The following TASOR variants were observed in gnomAD, a reference collection of about 807,000 sequenced individuals.
TASOR encodes the protein transcription activation suppressor, also known as protein TASOR.
Under a neutral mutation model 178.6 loss-of-function variants are expected in TASOR, and 53 were observed. The observed-to-expected ratio is 0.30, with a 90% CI of 0.24 to 0.37. The LOEUF is 0.37. Ranked by LOEUF, TASOR falls within the 10% of genes least tolerant of loss-of-function variation. TASOR has a pLI of 1.00. For synonymous variants in TASOR, 713 were observed against 696.2 expected (o/e 1.02, Z -0.38); for missense variants, 1,815 against 1,971.4 (o/e 0.92, Z 1.50).
At chr3:56,677,575 T>C (rs1172802766) in intron 1 of TASOR, among the ~76,000 whole-genome samples, 1 of 152,214 alleles carries the variant, frequency 6.6e-6, no homozygotes, top group Non-Finnish European at 1.5e-5. Flanking sequence ...TTAAGCTCCC[T>C]TTCTTGTATC....
At chr3:56,656,738 G>T (rs551644478) in intron 11 of TASOR, among the ~76,000 whole-genome samples, 1 of 151,352 alleles carries the variant, frequency 6.6e-6, no homozygotes, top group Non-Finnish European at 1.5e-5. Context: ...TAGGCTGGGC[G>T]CAGTGGCTCA....
chr3:56,627,133 T>G lies in TASOR; in HGVS notation c.4043A>C (p.Asn1348Thr). 1 of 1,601,964 alleles carries G rather than the reference T, an allele frequency of 6.2e-7. No homozygotes were observed. The change falls in exon 21 of 24, where the codon AAT becomes ACT. Residue 1348 changes from asparagine to threonine, a missense_variant. By Grantham distance (65) the Asn-to-Thr change is moderately conservative. Around this residue, in one of 5 missense-constraint regions of TASOR, gnomAD observed 134 missense variants for 195.2 expected, o/e 0.69. Coordinates refer to ENST00000683822, the MANE Select transcript of TASOR (RefSeq NM_001365635.2). The part of the protein sequence containing the change: ...PEVVTVENLK[N>T]FLTFLEELST... The stretch of plus-strand genomic sequence containing the variant: ...AAGTTCCTCAAGGAATGTCAAAAAA[T>G]TTTTAAGGTTCTCTGTTAGAGATAA...
rs1275842629 is a variant in TASOR at position 56,622,282 on chromosome 3, TTAC to T, written c.*752_*754del. 1 of 152,184 alleles carries T rather than the reference TTAC, an allele frequency of 6.6e-6. No homozygotes were observed. The allele number at this position is 152,184 out of a possible 1,614,324, so 9.4% of individuals were successfully genotyped here. A position where few individuals can be genotyped will look rare whatever the true frequency, so the allele number is the denominator to read the frequency against. ...CATTAATGTGTTCAACAAATGGTAATTACTACTAAGACCACCTCAAAAATATAT... is the reference window on the plus strand; with the variant it reads ...CATTAATGTGTTCAACAAATGGTAATTACTAAGACCACCTCAAAAATATAT... On this transcript the variant is annotated 3_prime_UTR_variant, in exon 24 of 24. Transcript: ENST00000683822.
intron 11 of TASOR, among the ~76,000 whole-genome samples, chr3:56,656,379 A>T (rs1434520785): frequency 6.6e-6 from 1 of 151,746 alleles, no homozygotes. Context: ...CTTGAGGTCA[A>T]GAGTTCAAGA....
chr3:56,671,451 CAATA>C, intron 3 of TASOR, 145 bp downstream of exon 3: 1 of 548,542 alleles, frequency 1.8e-6, no homozygotes, highest in Non-Finnish European at 3.1e-6. Flanking sequence ...AAATTACAAA[CAATA>C]AACATTTTGC....
intron 15 of TASOR, 28 bp from the exon 16 acceptor site, chr3:56,640,158 C>T: frequency 1.9e-6 from 3 of 1,596,886 alleles, no homozygotes; most frequent in Non-Finnish European, 2.6e-6. Context: ...CACTGAATAG[C>T]TTTATTTCCA....
At position 56,646,781 on chromosome 3, in the gene TASOR, A is replaced by G. The variant is rs762613863; in HGVS notation, c.1956T>C (p.Phe652=). The change falls in exon 14 of 24, where the codon TTT becomes TTC. Residue 652 remains phenylalanine (F), a synonymous_variant. Transcript: ENST00000683822. The stretch of plus-strand genomic sequence containing the variant: ...CACCTCTTGAGTTATTTCGTTTTCC[A>G]AATTTCATTTTTGTACCATTCATTT... ...EEEMNGTKMK[F]GKRNNSRGEA... The G allele has an allele frequency of 2.2e-5, 35 of 1,613,750 alleles. No individual in the cohort carries two copies. Among genetic ancestry groups the G allele is most frequent in the Non-Finnish European group, 2.7e-5 (32 of 1,179,958 alleles).
chr3:56,636,389 T>G lies in TASOR; in HGVS notation c.2824+2317A>C, dbSNP rs188503736. The stretch of plus-strand genomic sequence containing the variant: ...TCAATCCATAATAAAGCTTTTGTTG[T>G]TGGTGGTGGTGGTGGTGTTGTTGTT... On this transcript the variant is annotated intron_variant, in intron 17 of 23. Coordinates refer to ENST00000683822, the MANE Select transcript of TASOR (RefSeq NM_001365635.2). 7.8e-3 allele frequency among the ~76,000 whole-genome samples: 1,178 copies of G among 150,206 alleles called. 11 individuals carry two copies. Among genetic ancestry groups the G allele is most frequent in the Non-Finnish European group, 0.01 (680 of 67,354 alleles).
intron 14 of TASOR, among the ~76,000 whole-genome samples, chr3:56,645,775 A>G (rs994385367): frequency 1.3e-4 from 20 of 152,260 alleles, no homozygotes; most frequent in African/African-American, 3.9e-4. Flanking sequence ...TTTTATTTTC[A>G]AATTCAGAAG....
chr3:56,682,301 C>T (rs1050669093), intron 1 of TASOR, among the ~76,000 whole-genome samples: 5 of 152,162 alleles, frequency 3.3e-5, no homozygotes, highest in African/African-American at 7.2e-5. Flanking sequence ...GAATCCATGG[C>T]CACGGGCTAT....
chr3:56,620,274 T>A lies in TASOR; in HGVS notation c.*2763A>T, dbSNP rs2076230825. ...CACGCTTTTTAAAAAATTGACGTGT[T>A]GGCAGTGTTTGTTAGAACATTGACG... is the stretch of plus-strand genomic sequence containing the variant. On this transcript the variant is annotated 3_prime_UTR_variant, in exon 24 of 24. Coordinates refer to ENST00000683822, the MANE Select transcript of TASOR (RefSeq NM_001365635.2). 6.3e-6 allele frequency: 1 copy of A among 157,540 alleles called. No individual in the cohort carries two copies. Among genetic ancestry groups the A allele is most frequent in the Non-Finnish European group, 1.4e-5 (1 of 71,352 alleles). 9.8% of individuals were successfully genotyped at this position (157,540 alleles called of 1,614,324 possible).
intron 3 of TASOR, among the ~76,000 whole-genome samples, chr3:56,670,610 A>G (rs182272226): frequency 4.7e-4 from 72 of 152,302 alleles, no homozygotes; most frequent in South Asian, 1.0e-3. Context: ...AAACAGCAAA[A>G]TATTATTCCA....
Position 56,682,849 on chromosome 3 carries a change from C to G in TASOR, c.158G>C (p.Gly53Ala), listed in dbSNP as rs1252906154. The change falls in exon 1 of 24, where the codon GGC (glycine) becomes GCC (alanine). Residue 53 changes from glycine (G) to alanine (A), a missense_variant. Physicochemically the swap from Gly to Ala is moderately conservative, Grantham distance 60. Transcript: ENST00000683822. ...GGGLNIAEPS[G>A]GAGREENAGA... ...CGCGTTCTCCTCACGCCCAGCGCCG[C>G]CGCTGGGCTCAGCGATGTTGAGGCC... 1 of 1,550,360 alleles carries G rather than the reference C, an allele frequency of 6.5e-7. No homozygotes were observed. The highest frequency in any genetic ancestry group is 2.4e-5 in the East Asian group (1 of 40,864).
At chr3:56,669,428 G>A (rs1212359518) in intron 5 of TASOR, among the ~76,000 whole-genome samples, 8 of 152,182 alleles carry the variant, frequency 5.3e-5, no homozygotes, top group Non-Finnish European at 1.2e-4. Context: ...GCATGAACTC[G>A]GGAGGCGGAG....
At chr3:56,661,940 C>T (rs1371052508) in intron 9 of TASOR, among the ~76,000 whole-genome samples, 1 of 150,554 alleles carries the variant, frequency 6.6e-6, no homozygotes, top group Non-Finnish European at 1.5e-5. Context: ...GACTGACTGA[C>T]ATGGCAAAAG....
Position 56,669,243 on chromosome 3 carries a change from C to T in TASOR, c.735+457G>A, listed in dbSNP as rs1049781397. Among the ~76,000 whole-genome samples the T allele has an allele frequency of 5.9e-5, 9 of 152,238 alleles. No individual in the cohort carries two copies. In the East Asian group the frequency reaches 1.7e-3, roughly 29 times the overall value. The stretch of plus-strand genomic sequence containing the variant: ...AATAGGCCAGGCGCAGTGGCTCATG[C>T]CTGTAATCCCAGCACTTTGGGAGGC... On this transcript the variant is annotated intron_variant, in intron 5 of 23. Coordinates refer to ENST00000683822, the MANE Select transcript of TASOR (RefSeq NM_001365635.2).
At chr3:56,663,832 G>A (rs570720077) in intron 7 of TASOR, 1 of 1,005,334 alleles carries the variant, frequency 9.9e-7, no homozygotes, top group East Asian at 1.0e-4. Context: ...TATTAACCAA[G>A]AGAGAACAGT....
chr3:56,643,592 C>T (rs1475161505), intron 14 of TASOR, among the ~76,000 whole-genome samples: 3 of 152,036 alleles, frequency 2.0e-5, no homozygotes, highest in Non-Finnish European at 2.9e-5. Flanking sequence ...GAAACCCCGT[C>T]TCTGCTAAAA....
chr3:56,683,256 A>G lies in TASOR; in HGVS notation c.-250T>C, dbSNP rs1257591457. ...TTCTTCTGCCTTCCCCCGCCACTCAACGTGCGCGCGTCGGGGCCGGGAGGG... is the reference window on the plus strand; with the variant it reads ...TTCTTCTGCCTTCCCCCGCCACTCAGCGTGCGCGCGTCGGGGCCGGGAGGG... On this transcript the variant is annotated 5_prime_UTR_variant, in exon 1 of 24. Coordinates refer to ENST00000683822, the MANE Select transcript of TASOR (RefSeq NM_001365635.2). The G allele has an allele frequency of 2.5e-6, 1 of 397,124 alleles. No individual in the cohort carries two copies. The highest frequency in any genetic ancestry group is 4.5e-6 in the Non-Finnish European group (1 of 224,318). 24.6% of individuals were successfully genotyped at this position (397,124 alleles called of 1,614,324 possible).
Sources: gnomAD v4.1 joint callset for allele counts (sites outside exome capture counted in the v4.1 genomes callset) on GRCh38, gnomAD v4.1.1 for gene constraint, gnomAD v4.1.1 regional missense constraint, MANE v1.5 for transcripts, NCBI Gene and HGNC (gene_info 2026-07-23, HGNC 2026-07-21) for gene names.